The following FRAS1 variants were observed in gnomAD, a reference collection of about 807,000 sequenced individuals.
FRAS1 encodes extracellular matrix organizing protein FRAS1.
FRAS1 carries 290 observed loss-of-function variants against 435.2 expected under a neutral mutation model. That is an observed-to-expected ratio of 0.67 (90% CI 0.61 to 0.73). The LOEUF (loss-of-function observed/expected upper bound fraction) is 0.73, where lower values mean the gene tolerates loss of function less well. Ranked by LOEUF, FRAS1 falls within the 30% of genes least tolerant of loss-of-function variation. The pLI, the probability that FRAS1 is intolerant of heterozygous loss-of-function variation, is 0.00. For synonymous variants in FRAS1, 1,800 were observed against 1,851.0 expected (o/e 0.97, Z 0.71); for missense variants, 4,860 against 5,001.5 (o/e 0.97, Z 0.85).
chr4:78,273,776 T>C (rs1726844703), intron 9 of FRAS1, among the ~76,000 whole-genome samples: 1 of 152,212 alleles, frequency 6.6e-6, no homozygotes, highest in African/African-American at 2.4e-5. Flanking sequence ...TAAAATTCTC[T>C]TTTTTTGTAG....
intron 70 of FRAS1, among the ~76,000 whole-genome samples, chr4:78,533,842 T>C (rs574677230): frequency 1.3e-5 from 2 of 152,256 alleles, no homozygotes; most frequent in South Asian, 2.1e-4. Context: ...ATTACTACCT[T>C]TGAGATAGCA....
chr4:78,236,416 T>C (rs896508576), intron 2 of FRAS1, among the ~76,000 whole-genome samples: 2 of 152,156 alleles, frequency 1.3e-5, no homozygotes, highest in Non-Finnish European at 2.9e-5. Flanking sequence ...GAGATTTTGG[T>C]GCACCCATCA....
At chr4:78,231,423 A>G (rs934914068) in intron 2 of FRAS1, among the ~76,000 whole-genome samples, 1 of 152,026 alleles carries the variant, frequency 6.6e-6, no homozygotes, top group Non-Finnish European at 1.5e-5. Flanking sequence ...TGGTTTATAT[A>G]ATTCCACAGT....
chr4:78,274,485 C>A (rs1376834985), intron 9 of FRAS1, among the ~76,000 whole-genome samples: 4 of 151,986 alleles, frequency 2.6e-5, no homozygotes, highest in Non-Finnish European at 4.4e-5. Flanking sequence ...CACTGCTTTA[C>A]ATGTGTCCCA....
At chr4:78,387,823 C>A in intron 29 of FRAS1, 122 bp downstream of exon 29, 1 of 667,696 alleles carries the variant, frequency 1.5e-6, no homozygotes, top group Non-Finnish European at 2.4e-6. Flanking sequence ...TCAAATATAA[C>A]CTATTATATA....
chr4:78,329,010 G>T (rs1350752115), intron 18 of FRAS1, among the ~76,000 whole-genome samples: 2 of 152,132 alleles, frequency 1.3e-5, no homozygotes, highest in Non-Finnish European at 2.9e-5. Flanking sequence ...ATTGGCTATT[G>T]CCATGTCTGA....
At chr4:78,330,308 G>A (rs1729893856) in intron 18 of FRAS1, among the ~76,000 whole-genome samples, 1 of 152,182 alleles carries the variant, frequency 6.6e-6, no homozygotes, top group Non-Finnish European at 1.5e-5. Context: ...TGTCAGCTGA[G>A]GAGGATGTAT....
rs372055845 is a variant in FRAS1 at position 78,320,661 on chromosome 4, G to GTC, written c.2137+1694_2137+1695dup. On this transcript the variant is annotated intron_variant, in intron 18 of 73. Coordinates refer to ENST00000512123, the MANE Select transcript of FRAS1 (RefSeq NM_025074.7). ...AACTTCTCTCTCCCTCCCTCCTTCTGTCTCTCTCTCTCTCTCTCTCCCGCA... is the reference window on the plus strand; with the variant it reads ...AACTTCTCTCTCCCTCCCTCCTTCTGTCTCTCTCTCTCTCTCTCTCTCCCGCA... 6.2e-3 allele frequency among the ~76,000 whole-genome samples: 928 copies of GTC among 149,606 alleles called. 5 individuals carry two copies. Among genetic ancestry groups the GTC allele is most frequent in the African/African-American group, 0.018 (715 of 40,750 alleles).
At chr4:78,320,600 A>G (rs548665660) in intron 18 of FRAS1, among the ~76,000 whole-genome samples, 2 of 152,048 alleles carry the variant, frequency 1.3e-5, no homozygotes, top group African/African-American at 4.8e-5. Context: ...GCTTGATGTG[A>G]GGAAAGTACA....
intron 14 of FRAS1, among the ~76,000 whole-genome samples, chr4:78,298,044 A>C (rs1728226704): frequency 2.1e-5 from 3 of 139,832 alleles, no homozygotes; most frequent in African/African-American, 7.8e-5. Context: ...ATATATATAT[A>C]TATATATATT....
intron 15 of FRAS1, among the ~76,000 whole-genome samples, chr4:78,311,426 A>G (rs771521730): frequency 1.2e-4 from 18 of 152,182 alleles, no homozygotes; most frequent in South Asian, 6.3e-4. Context: ...TCTCACTGCT[A>G]TGTAGCACTC....
In FRAS1 at chr4:78,191,170, C is replaced by T. The variant is rs563316012; in HGVS notation, c.109-46340C>T. On this transcript the variant is annotated intron_variant, in intron 2 of 73. Transcript: ENST00000512123. The stretch of plus-strand genomic sequence containing the variant: ...TCTGTTGCTTAAGCCACCCAGTCTA[C>T]GTATATTGTTATAGCACCCTCAGCA... Among the ~76,000 whole-genome samples, 8 of 152,304 alleles carry T rather than the reference C, an allele frequency of 5.3e-5. No homozygotes were observed. In the South Asian group the frequency reaches 1.5e-3, roughly 28 times the overall value.
chr4:78,201,752 G>A (rs1485497451), intron 2 of FRAS1, among the ~76,000 whole-genome samples: 1 of 152,046 alleles, frequency 6.6e-6, no homozygotes, highest in Non-Finnish European at 1.5e-5. Context: ...TCGCTGATGA[G>A]GAAAAAAGGT....
chr4:78,446,353 G>A (rs1578329608), intron 42 of FRAS1: 3 of 1,062,138 alleles, frequency 2.8e-6, no homozygotes, highest in Non-Finnish European at 3.4e-6. Context: ...AGGTACTGTG[G>A]TATGCTTAGC....
chr4:78,086,419 T>C (rs1410191129), intron 2 of FRAS1, among the ~76,000 whole-genome samples: 2 of 151,870 alleles, frequency 1.3e-5, no homozygotes, highest in Non-Finnish European at 2.9e-5. Context: ...AAGAAATAAC[T>C]AAGATCAGAG....
rs1007481617 is a variant in FRAS1, at chr4:78,334,363, C to CTTTTTTTT, written c.2278+970_2278+977dup. Among the ~76,000 whole-genome samples the CTTTTTTTT allele has an allele frequency of 1.4e-4, 13 of 92,274 alleles. 2 individuals are homozygous for CTTTTTTTT. Among genetic ancestry groups the CTTTTTTTT allele is most frequent in the African/African-American group, 4.5e-4 (10 of 22,128 alleles). The allele number at this position is 92,274 out of a possible 152,430, so 60.5% of individuals were successfully genotyped here. A position where few individuals can be genotyped will look rare whatever the true frequency, so the allele number is the denominator to read the frequency against. On this transcript the variant is annotated intron_variant, in intron 19 of 73. Transcript: ENST00000512123. ...AAAACATAAAGTCATAACCAATTTT[C>CTTTTTTTT]TTTTTTTTTTTTTTTTTTTTTTTTT...
At chr4:78,439,361 G>A (rs2109823829) in intron 40 of FRAS1, among the ~76,000 whole-genome samples, 1 of 152,278 alleles carries the variant, frequency 6.6e-6, no homozygotes, top group South Asian at 2.1e-4. Context: ...TTATATCTTT[G>A]AGGAGTTTAC....
chr4:78,079,836 A>C (rs1394076993), intron 2 of FRAS1, among the ~76,000 whole-genome samples: 1 of 152,152 alleles, frequency 6.6e-6, no homozygotes, highest in Non-Finnish European at 1.5e-5. Flanking sequence ...AAGAAACCTT[A>C]TGATTTACTA....
chr4:78,077,362 C>G (rs1166095987), intron 2 of FRAS1, among the ~76,000 whole-genome samples: 4 of 152,034 alleles, frequency 2.6e-5, no homozygotes, highest in Non-Finnish European at 4.4e-5. Context: ...AGACGGAGAC[C>G]CTGTCTCAAA....
Sources: allele counts gnomAD v4.1 joint callset (sites outside exome capture counted in the v4.1 genomes callset), GRCh38; gene constraint gnomAD v4.1.1; transcripts MANE v1.5; gene names NCBI Gene and HGNC (gene_info 2026-07-23, HGNC 2026-07-21).